Variants in OTUD7B observed in about 807,000 individuals in gnomAD.
OTUD7B encodes OTU domain-containing protein 7B.
OTUD7B carries 34 observed loss-of-function variants against 82.2 expected under a neutral mutation model. The observed-to-expected ratio is 0.41, with a 90% CI of 0.31 to 0.55. The LOEUF is 0.55. OTUD7B is among the 20% of genes least tolerant of loss of function. The probability of loss-of-function intolerance (pLI) is 0.20; values close to 1 mark genes in which losing one functional copy is unlikely to be tolerated. For missense variants in OTUD7B, 944 were observed against 1,062.1 expected (o/e 0.89, Z 1.55); for synonymous variants, 398 against 402.7 (o/e 0.99, Z 0.14).
Position 149,945,063 on chromosome 1 carries a change from A to G in OTUD7B, c.1326T>C (p.Ala442=). 6.2e-7 allele frequency: 1 copy of G among 1,612,032 alleles called. No homozygotes were observed. Among genetic ancestry groups the G allele is most frequent in the Non-Finnish European group, 8.5e-7 (1 of 1,179,362 alleles). The change falls in exon 12 of 12, where the codon GCT becomes GCC. Residue 442 remains alanine (A), a splice_region_variant and synonymous_variant. Coordinates refer to ENST00000581312, the MANE Select transcript of OTUD7B (RefSeq NM_020205.4). ...TGGGGGACTCAGGCTGGGCCAGAGGAGCCTGGAAGAGACAAGAACACTGTT... is the reference window on the plus strand; with the variant it reads ...TGGGGGACTCAGGCTGGGCCAGAGGGGCCTGGAAGAGACAAGAACACTGTT... The part of the protein sequence containing the change: ...KWIPLSSDAQ[A]PLAQPESPTA...
At chr1:149,946,539 C>T (rs112285052) in intron 11 of OTUD7B, among the ~76,000 whole-genome samples, 1 of 151,388 alleles carries the variant, frequency 6.6e-6, no homozygotes, top group African/African-American at 2.4e-5. Context: ...GTCAGGAGTT[C>T]GAGACTAGCC....
At chr1:150,027,670 AAAG>A in the OTUD7B span, among the ~76,000 whole-genome samples, 40 of 152,338 alleles carry the variant, frequency 2.6e-4, no homozygotes, top group Admixed American at 8.5e-4. Flanking sequence ...TTCATCTGCC[AAAG>A]AAGATTTCTT....
chr1:150,025,432 AACAC>A, the OTUD7B span, among the ~76,000 whole-genome samples: 8,485 of 146,926 alleles, frequency 0.058, 448 homozygotes, highest in African/African-American at 0.14. Context: ...AAGCAAACAA[AACAC>A]ACACACACAC....
At chr1:150,018,826 T>C in the OTUD7B span, among the ~76,000 whole-genome samples, 1 of 152,294 alleles carries the variant, frequency 6.6e-6, no homozygotes, top group Admixed American at 6.5e-5. Flanking sequence ...GCATATTCTG[T>C]TCTTGGTTTC....
upstream of OTUD7B, among the ~76,000 whole-genome samples, chr1:150,014,005 T>C (rs1380777976): frequency 2.3e-5 from 3 of 130,034 alleles, no homozygotes; most frequent in Admixed American, 7.6e-5. Flanking sequence ...TACACACATA[T>C]ATATACACAC....
upstream of OTUD7B, among the ~76,000 whole-genome samples, chr1:150,012,836 T>G (rs1283458632): frequency 6.6e-6 from 1 of 152,226 alleles, no homozygotes; most frequent in Non-Finnish European, 1.5e-5. Context: ...ATGGGCTGCT[T>G]GTCTTTGGTC....
the OTUD7B span, among the ~76,000 whole-genome samples, chr1:150,049,304 C>G: frequency 1.3e-5 from 2 of 152,140 alleles, no homozygotes; most frequent in African/African-American, 4.8e-5. Flanking sequence ...AAATTATTCT[C>G]TATATCTGAG....
the OTUD7B span, chr1:150,067,222 A>C: frequency 6.6e-6 from 1 of 152,174 alleles, no homozygotes; most frequent in Non-Finnish European, 1.5e-5. Context: ...CTGTCTTGGG[A>C]AAACCAATTA....
chr1:150,045,476 C>T, the OTUD7B span, among the ~76,000 whole-genome samples: 2 of 152,086 alleles, frequency 1.3e-5, no homozygotes, highest in Non-Finnish European at 2.9e-5. Context: ...TCTACACCCC[C>T]TTTAATTCTT....
chr1:149,987,728 GACACAT>G (rs1190507582), intron 1 of OTUD7B, among the ~76,000 whole-genome samples: 24 of 152,090 alleles, frequency 1.6e-4, no homozygotes, highest in African/African-American at 5.5e-4. Flanking sequence ...ACAGAGTCTT[GACACAT>G]ACACACAGTG....
chr1:150,009,333 C>A (rs1333199382), intron 1 of OTUD7B, among the ~76,000 whole-genome samples: 1 of 152,114 alleles, frequency 6.6e-6, no homozygotes, highest in Non-Finnish European at 1.5e-5. Flanking sequence ...AGTCTTACCG[C>A]CACCTCTTTC....
rs1648633697 is a variant in OTUD7B, at chr1:149,955,935, C to T, written c.845+3749G>A. On this transcript the variant is annotated intron_variant, in intron 7 of 11. Coordinates refer to ENST00000581312, the MANE Select transcript of OTUD7B (RefSeq NM_020205.4). Reference sequence around the variant, plus strand: ...TTTTGAGCCTATGTGTGTCTCTGCACCTGAGATGGGTCTCCTGAATATCGC... The same window carrying T: ...TTTTGAGCCTATGTGTGTCTCTGCATCTGAGATGGGTCTCCTGAATATCGC... Among the ~76,000 whole-genome samples the T allele has an allele frequency of 4.6e-5, 7 of 152,168 alleles. No homozygotes were observed. The South Asian group carries it at 1.2e-3, about 27-fold the overall frequency.
At chr1:150,029,571 T>C in the OTUD7B span, among the ~76,000 whole-genome samples, 1 of 152,168 alleles carries the variant, frequency 6.6e-6, no homozygotes, top group African/African-American at 2.4e-5. Context: ...TTCAACAATT[T>C]AGCCCAAAGA....
intron 3 of OTUD7B, among the ~76,000 whole-genome samples, chr1:149,970,158 A>G (rs1649808725): frequency 6.8e-6 from 1 of 147,432 alleles, no homozygotes; most frequent in Non-Finnish European, 1.5e-5. Context: ...GGCCAGGTGC[A>G]GTGGCTCACA....
chr1:150,029,746 G>A, the OTUD7B span, among the ~76,000 whole-genome samples: 1 of 152,134 alleles, frequency 6.6e-6, no homozygotes, highest in Non-Finnish European at 1.5e-5. Context: ...CTCACCCTAG[G>A]TCATATAGCA....
chr1:150,019,811 T>C, the OTUD7B span, among the ~76,000 whole-genome samples: 2 of 151,382 alleles, frequency 1.3e-5, no homozygotes, highest in South Asian at 2.1e-4. Flanking sequence ...TCTGGGATCA[T>C]TGTGTAACTG....
intron 7 of OTUD7B, among the ~76,000 whole-genome samples, chr1:149,958,322 CTTTTTTTT>C (rs34299927): frequency 2.3e-5 from 2 of 86,394 alleles, no homozygotes; most frequent in East Asian, 3.9e-4. Flanking sequence ...AAAGGACTAC[CTTTTTTTT>C]TTTTTTTTTT....
chr1:150,023,550 A>G, the OTUD7B span, among the ~76,000 whole-genome samples: 2 of 152,250 alleles, frequency 1.3e-5, no homozygotes, highest in African/African-American at 2.4e-5. Context: ...CAGATACCGT[A>G]TAATCTCACT....
At chr1:150,040,975 G>A in the OTUD7B span, among the ~76,000 whole-genome samples, 277 of 152,128 alleles carry the variant, frequency 1.8e-3, 4 homozygotes, top group South Asian at 0.028. Context: ...CTCCCAAAGT[G>A]CTGGGATTAC....
Sources: allele counts gnomAD v4.1 joint callset (sites outside exome capture counted in the v4.1 genomes callset), GRCh38; gene constraint gnomAD v4.1.1; transcripts MANE v1.5; gene names NCBI Gene and HGNC (gene_info 2026-07-23, HGNC 2026-07-21).